The following AFF2 variants were observed in gnomAD, a reference collection of about 807,000 sequenced individuals.
The protein encoded by AFF2 is AF4/FMR2 family member 2.
Under a neutral mutation model 76.9 loss-of-function variants are expected in AFF2, and 14 were observed. The observed-to-expected ratio is 0.18, with a 90% CI of 0.12 to 0.28. The LOEUF is 0.28. Ranked by LOEUF, AFF2 falls within the 10% of genes least tolerant of loss-of-function variation. The pLI is 1.00. For synonymous variants in AFF2, 398 were observed against 366.7 expected (o/e 1.09, Z -0.98); for missense variants, 868 against 1,001.1 (o/e 0.87, Z 1.79).
intron 9 of AFF2, among the ~76,000 whole-genome samples, chrX:148,944,920 C>T (rs55711809): frequency 0.013 from 1,492 of 111,781 alleles, 4 homozygotes; most frequent in Non-Finnish European, 0.02. Context: ...TTTGGTGCTA[C>T]ATCTCCGTAT....
intron 2 of AFF2, among the ~76,000 whole-genome samples, chrX:148,660,922 C>T (rs782666529): frequency 8.9e-6 from 1 of 112,534 alleles, no homozygotes; most frequent in East Asian, 2.8e-4. Flanking sequence ...AGCTACCCAC[C>T]ATTTTTTAGT....
intron 1 of AFF2, among the ~76,000 whole-genome samples, chrX:148,544,780 CAGGATCTG>C (rs2052900875): frequency 8.9e-6 from 1 of 111,757 alleles, no homozygotes; most frequent in African/African-American, 3.3e-5. Flanking sequence ...CAGTCACTGG[CAGGATCTG>C]TTGGTACTGT....
chrX:148,962,318 G>A (rs868906458), intron 12 of AFF2, among the ~76,000 whole-genome samples: 2 of 111,963 alleles, frequency 1.8e-5, no homozygotes, highest in Non-Finnish European at 3.8e-5. Flanking sequence ...AAGTCCTAGG[G>A]CAAAATAAGT....
At chrX:148,894,574 A>G (rs1483515252) in intron 8 of AFF2, among the ~76,000 whole-genome samples, 1 of 111,634 alleles carries the variant, frequency 9.0e-6, no homozygotes, top group African/African-American at 3.3e-5. Flanking sequence ...TCACACAGCA[A>G]AAATTTCATA....
chrX:148,983,471 T>C (rs2072420087), intron 19 of AFF2, among the ~76,000 whole-genome samples: 1 of 112,022 alleles, frequency 8.9e-6, no homozygotes, highest in Non-Finnish European at 1.9e-5. Flanking sequence ...CCCTGAACTA[T>C]GCTTGGCACA....
intron 1 of AFF2, among the ~76,000 whole-genome samples, chrX:148,619,976 G>C (rs1307351871): frequency 8.9e-6 from 1 of 111,981 alleles, no homozygotes; most frequent in Non-Finnish European, 1.9e-5. Context: ...TAATTTTGAA[G>C]AGTGACAGTA....
rs2053835447 is a variant in AFF2, at chrX:148,618,506, A to C, written c.48-33493A>C. On this transcript the variant is annotated intron_variant, in intron 1 of 20. Coordinates refer to ENST00000370460, the MANE Select transcript of AFF2 (RefSeq NM_002025.4). Reference sequence around the variant, plus strand: ...CTGCCCCCATGATTCAATTATCTCCACCTGGTCCTGACCTTGACACATGGG... The same window carrying C: ...CTGCCCCCATGATTCAATTATCTCCCCCTGGTCCTGACCTTGACACATGGG... Among the ~76,000 whole-genome samples, 3 of 110,958 alleles carry C rather than the reference A, an allele frequency of 2.7e-5. No homozygotes were observed. The South Asian group carries it at 1.1e-3, about 42-fold the overall frequency.
chrX:148,524,436 G>T (rs1325953350), intron 1 of AFF2, among the ~76,000 whole-genome samples: 1 of 110,984 alleles, frequency 9.0e-6, no homozygotes, highest in East Asian at 2.8e-4. Context: ...ATTAAAATTT[G>T]CCTTTTCAAA....
intron 3 of AFF2, among the ~76,000 whole-genome samples, chrX:148,705,351 A>C (rs2054869804): frequency 8.9e-6 from 1 of 112,152 alleles, no homozygotes; most frequent in Non-Finnish European, 1.9e-5. Flanking sequence ...GAAGCAGTAC[A>C]CTTCTTAGTG....
chrX:148,581,303 C>CGTATACACGT (rs1557244781), intron 1 of AFF2, among the ~76,000 whole-genome samples: 2 of 1,365 alleles, frequency 1.5e-3, no homozygotes, highest in Admixed American at 8.0e-3. Flanking sequence ...CGTGTACACA[C>CGTATACACGT]ATATACGTAT....
chrX:148,718,984 CAG>C lies in AFF2; in HGVS notation c.1041+56219_1041+56220del, dbSNP rs782587502. The C allele has an allele frequency of 5.1e-4, 405 of 801,722 alleles. 1 individual carries two copies. The highest frequency in any genetic ancestry group is 6.5e-4 in the Non-Finnish European group (391 of 603,390). The allele number at this position is 801,722 out of a possible 1,213,427, so 66.1% of individuals were successfully genotyped here. ...GAATGGATGGAGGAAGCTAACAAAA[CAG>C]AGTTTAAATTGAGATGATGTCATAA... On this transcript the variant is annotated intron_variant, in intron 3 of 20. Transcript: ENST00000370460.
At chrX:148,679,166 T>G (rs782502507) in intron 3 of AFF2, among the ~76,000 whole-genome samples, 1 of 106,172 alleles carries the variant, frequency 9.4e-6, no homozygotes, top group Non-Finnish European at 1.9e-5. Context: ...TACATTTCTT[T>G]CCAAACTATA....
At chrX:148,663,573 A>G (rs1351165951) in intron 3 of AFF2, among the ~76,000 whole-genome samples, 3 of 112,445 alleles carry the variant, frequency 2.7e-5, no homozygotes, top group African/African-American at 9.7e-5. Flanking sequence ...GGTGGGGGTC[A>G]TGCATGGTGC....
intron 9 of AFF2, among the ~76,000 whole-genome samples, chrX:148,918,331 G>A (rs1387453399): frequency 5.4e-5 from 6 of 111,881 alleles, no homozygotes; most frequent in African/African-American, 2.0e-4. Context: ...TGAGACTCGC[G>A]GTAGTTTTTA....
intron 9 of AFF2, among the ~76,000 whole-genome samples, chrX:148,938,448 G>A (rs782807941): frequency 4.5e-5 from 5 of 111,729 alleles, no homozygotes; most frequent in Non-Finnish European, 7.5e-5. Flanking sequence ...TATAAAGCAC[G>A]ATACTAAAAA....
chrX:148,586,510 T>G (rs2053471110), intron 1 of AFF2, among the ~76,000 whole-genome samples: 1 of 111,778 alleles, frequency 8.9e-6, no homozygotes, highest in South Asian at 3.8e-4. Context: ...AGTGTTTTAG[T>G]AAACCTATGG....
At chrX:148,818,250 C>T (rs2070289639) in intron 4 of AFF2, among the ~76,000 whole-genome samples, 1 of 111,949 alleles carries the variant, frequency 8.9e-6, no homozygotes, top group Non-Finnish European at 1.9e-5. Context: ...TACACAAATT[C>T]AGCCAAGTTG....
At chrX:148,924,674 G>C (rs782748782) in intron 9 of AFF2, among the ~76,000 whole-genome samples, 1 of 111,863 alleles carries the variant, frequency 8.9e-6, no homozygotes, top group Non-Finnish European at 1.9e-5. Flanking sequence ...TCAGGGAAAG[G>C]AGGAATTCAG....
In AFF2 at chrX:148,581,250, A is replaced by G. The variant is rs111213673; in HGVS notation, c.48-70749A>G. On this transcript the variant is annotated intron_variant, in intron 1 of 20. Coordinates refer to ENST00000370460, the MANE Select transcript of AFF2 (RefSeq NM_002025.4). The stretch of plus-strand genomic sequence containing the variant: ...TACGTATACGTATACGTGTACACAC[A>G]TATACGTATACGTGTACACACATAT... 4.0e-3 allele frequency among the ~76,000 whole-genome samples: 106 copies of G among 26,323 alleles called. 11 individuals are homozygous for G. Among genetic ancestry groups the G allele is most frequent in the African/African-American group, 0.013 (91 of 6,928 alleles). The allele number at this position is 26,323 out of a possible 115,157, so 22.9% of individuals were successfully genotyped here.
Sources: allele counts gnomAD v4.1 joint callset (sites outside exome capture counted in the v4.1 genomes callset), GRCh38; gene constraint gnomAD v4.1.1; transcripts MANE v1.5; gene names NCBI Gene and HGNC (gene_info 2026-07-23, HGNC 2026-07-21).